The following GALNT14 variants were observed in gnomAD, a reference collection of about 807,000 sequenced individuals.
The protein encoded by GALNT14 is UDP-GalNAc:polypeptide N-acetylgalactosaminyltransferase 14.
A neutral mutation model predicts 77.5 loss-of-function variants in GALNT14; 60 were observed. The ratio of observed to expected loss-of-function variants is 0.77; its 90% confidence interval spans 0.63 to 0.96. The LOEUF is 0.96. GALNT14 is among the 40% of genes least tolerant of loss of function. The pLI is 0.00. For synonymous variants in GALNT14, 280 were observed against 281.7 expected (o/e 0.99, Z 0.06); for missense variants, 710 against 731.0 (o/e 0.97, Z 0.33).
chr2:31,088,420 G>A (rs879541824), intron 1 of GALNT14, among the ~76,000 whole-genome samples: 3 of 152,256 alleles, frequency 2.0e-5, no homozygotes, highest in South Asian at 2.1e-4. Context: ...GCCCTGAGTA[G>A]GACTTTGAAA....
At chr2:30,989,226 C>T (rs970268530) in intron 2 of GALNT14, among the ~76,000 whole-genome samples, 1 of 152,098 alleles carries the variant, frequency 6.6e-6, no homozygotes, top group Non-Finnish European at 1.5e-5. Context: ...ATGACCGATG[C>T]TAAGGACCAG....
intron 2 of GALNT14, among the ~76,000 whole-genome samples, chr2:30,976,264 G>A (rs983219178): frequency 7.2e-5 from 11 of 152,174 alleles, no homozygotes; most frequent in Non-Finnish European, 1.5e-4. Flanking sequence ...TCTGCTGCCT[G>A]TACTGACTCG....
intron 1 of GALNT14, among the ~76,000 whole-genome samples, chr2:31,123,212 G>A (rs115434039): frequency 0.013 from 1,967 of 149,194 alleles, 39 homozygotes; most frequent in African/African-American, 0.045. Context: ...CTTTATTGAT[G>A]GACCATGGAG....
chr2:31,031,012 G>A (rs1462572411), intron 1 of GALNT14, among the ~76,000 whole-genome samples: 3 of 152,182 alleles, frequency 2.0e-5, no homozygotes, highest in Non-Finnish European at 2.9e-5. Flanking sequence ...GCGCATGTGT[G>A]TAGTCACACA....
intron 1 of GALNT14, among the ~76,000 whole-genome samples, chr2:31,019,633 T>C (rs1307470026): frequency 6.6e-6 from 1 of 151,990 alleles, no homozygotes; most frequent in Non-Finnish European, 1.5e-5. Flanking sequence ...CTCATGGAGG[T>C]TAAGTGGCTA....
intron 2 of GALNT14, among the ~76,000 whole-genome samples, chr2:30,988,835 T>G (rs1027422559): frequency 2.6e-5 from 4 of 152,334 alleles, no homozygotes; most frequent in Non-Finnish European, 5.9e-5. Flanking sequence ...TAAGAGTTTG[T>G]GTTTCTAACA....
chr2:31,005,467 G>C (rs1056511440), intron 1 of GALNT14, among the ~76,000 whole-genome samples: 1 of 152,144 alleles, frequency 6.6e-6, no homozygotes, highest in Non-Finnish European at 1.5e-5. Flanking sequence ...TTCATAGCCC[G>C]AATTAGGCTT....
At chr2:31,099,770 GCA>G (rs1043907335) in intron 1 of GALNT14, among the ~76,000 whole-genome samples, 3 of 151,636 alleles carry the variant, frequency 2.0e-5, no homozygotes, top group Non-Finnish European at 2.9e-5. Context: ...TGTCTCTGTA[GCA>G]CACAGTTTCA....
chr2:31,068,305 G>C (rs2148557080), intron 1 of GALNT14, among the ~76,000 whole-genome samples: 1 of 152,164 alleles, frequency 6.6e-6, no homozygotes, highest in Admixed American at 6.5e-5. Context: ...TGGCCAACAT[G>C]GCGAAACCCC....
chr2:31,054,311 T>C (rs1220212647), intron 1 of GALNT14, among the ~76,000 whole-genome samples: 2 of 152,264 alleles, frequency 1.3e-5, no homozygotes, highest in Non-Finnish European at 2.9e-5. Context: ...AAAGATGATC[T>C]TAGCGTGGCT....
chr2:31,106,786 T>G (rs1212167850), intron 1 of GALNT14, among the ~76,000 whole-genome samples: 4 of 152,242 alleles, frequency 2.6e-5, no homozygotes, highest in Non-Finnish European at 5.9e-5. Context: ...CTAATATCAT[T>G]GCTTCTAATC....
intron 3 of GALNT14, among the ~76,000 whole-genome samples, chr2:30,964,681 C>T (rs1247474946): frequency 6.6e-6 from 1 of 152,146 alleles, no homozygotes; most frequent in Non-Finnish European, 1.5e-5. Flanking sequence ...CAGGGCTGTC[C>T]CCTTGGATGG....
intron 3 of GALNT14, among the ~76,000 whole-genome samples, chr2:30,963,377 G>T (rs1361509847): frequency 2.0e-5 from 3 of 152,220 alleles, no homozygotes; most frequent in South Asian, 4.1e-4. Context: ...CAACTGGAGT[G>T]AGAGAAGGAA....
intron 4 of GALNT14, 138 bp downstream of exon 4, chr2:30,958,259 C>T (rs775354940): frequency 2.7e-5 from 17 of 622,010 alleles, no homozygotes; most frequent in Middle Eastern, 2.8e-4. Flanking sequence ...TAGCCACGGA[C>T]GCTCAAAGAC....
chr2:30,891,585 G>A, the GALNT14 span, among the ~76,000 whole-genome samples: 19 of 152,312 alleles, frequency 1.2e-4, no homozygotes, highest in Middle Eastern at 3.4e-3. Flanking sequence ...ATGTGCAAAT[G>A]CAGTCATGAA....
At chr2:30,961,824 G>A (rs1667708447) in intron 3 of GALNT14, among the ~76,000 whole-genome samples, 1 of 152,048 alleles carries the variant, frequency 6.6e-6, no homozygotes. Flanking sequence ...TGGGATTACA[G>A]GCGCCTGCCA....
chr2:30,929,358 G>A, intron 11 of GALNT14, 37 bp downstream of exon 11: 2 of 1,534,052 alleles, frequency 1.3e-6, no homozygotes, highest in Non-Finnish European at 1.8e-6. Flanking sequence ...GGGCTCTTTT[G>A]CAGTCTCTGC....
At position 30,923,044 on chromosome 2, in the gene GALNT14, A is replaced by AGACAAACGT. The variant is rs1236186722; in HGVS notation, c.1380+1066_1380+1074dup. Reference sequence around the variant, plus strand: ...GGTGAGGAGTTAGCAAGGAAGCCATAGACAAACGTGCCTTTTTTTTTTTTT... The same window carrying AGACAAACGT: ...GGTGAGGAGTTAGCAAGGAAGCCATAGACAAACGTGACAAACGTGCCTTTTTTTTTTTTT... On this transcript the variant is annotated intron_variant, in intron 13 of 14. Transcript: ENST00000349752. Among the ~76,000 whole-genome samples, 134 of 149,694 alleles carry AGACAAACGT rather than the reference A, an allele frequency of 9.0e-4. 1 individual carries two copies. Among genetic ancestry groups the AGACAAACGT allele is most frequent in the African/African-American group, 3.3e-3 (133 of 40,720 alleles).
chr2:31,063,131 G>C (rs975458037), intron 1 of GALNT14, among the ~76,000 whole-genome samples: 2 of 152,144 alleles, frequency 1.3e-5, no homozygotes, highest in African/African-American at 4.8e-5. Flanking sequence ...TGAAGTCTTT[G>C]CCCATGCCTA....
Sources: gnomAD v4.1 joint callset for allele counts (sites outside exome capture counted in the v4.1 genomes callset) on GRCh38, gnomAD v4.1.1 for gene constraint, MANE v1.5 for transcripts, NCBI Gene and HGNC (gene_info 2026-07-23, HGNC 2026-07-21) for gene names.